The following CNGB3 variants were observed in gnomAD, a reference collection of about 807,000 sequenced individuals.
CNGB3 encodes the protein cyclic nucleotide-gated channel beta-3.
CNGB3 carries 86 observed loss-of-function variants against 92.8 expected under a neutral mutation model. That is an observed-to-expected ratio of 0.93 (90% CI 0.78 to 1.11). CNGB3 has a LOEUF of 1.11. CNGB3 is among the 50% of genes least tolerant of loss of function. CNGB3 has a pLI of 0.00. For missense variants in CNGB3, 1,026 were observed against 956.8 expected (o/e 1.07, Z -0.95); for synonymous variants, 333 against 332.7 (o/e 1.00, Z -0.01).
intron 6 of CNGB3, chr8:86,657,970 C>G: frequency 1.8e-6 from 1 of 553,848 alleles, no homozygotes; most frequent in Non-Finnish European, 3.6e-6. Flanking sequence ...GTCTGTCTCT[C>G]CAGACAGCTG....
At chr8:86,704,293 G>C (rs1824612811) in intron 3 of CNGB3, 1 of 152,290 alleles carries the variant, frequency 6.6e-6, no homozygotes, top group East Asian at 1.9e-4. Context: ...GTAGGCTGAG[G>C]AGGAGCAAGA....
At chr8:86,597,232 C>T (rs1822191434) in intron 15 of CNGB3, among the ~76,000 whole-genome samples, 1 of 152,110 alleles carries the variant, frequency 6.6e-6, no homozygotes, top group Non-Finnish European at 1.5e-5. Context: ...AGAATGCCTC[C>T]TTTCACAGAG....
chr8:86,739,508 G>C, intron 2 of CNGB3, 147 bp downstream of exon 2: 1 of 1,298,726 alleles, frequency 7.7e-7, no homozygotes. Context: ...TAAAGTTTTT[G>C]AAATATTCAG....
intron 13 of CNGB3, 41 bp from the exon 14 acceptor site, chr8:86,611,712 G>A (rs761000282): frequency 3.7e-6 from 5 of 1,342,594 alleles, no homozygotes; most frequent in African/African-American, 1.4e-5. Flanking sequence ...AACAACTAAA[G>A]GCCAATATTC....
intron 3 of CNGB3, among the ~76,000 whole-genome samples, chr8:86,674,847 G>T (rs1823935103): frequency 6.6e-6 from 1 of 151,882 alleles, no homozygotes; most frequent in Non-Finnish European, 1.5e-5. Flanking sequence ...TGACTTCCCT[G>T]GGCTCAAGCC....
At chr8:86,591,193 G>T (rs919336639) in intron 15 of CNGB3, among the ~76,000 whole-genome samples, 1 of 145,270 alleles carries the variant, frequency 6.9e-6, no homozygotes, top group Non-Finnish European at 1.5e-5. Flanking sequence ...AGCTCCATCA[G>T]CTCCTTTAAG....
At chr8:86,726,725 A>G in intron 2 of CNGB3, 68 bp from the exon 3 acceptor site, 1 of 1,567,006 alleles carries the variant, frequency 6.4e-7, no homozygotes, top group Admixed American at 1.7e-5. Flanking sequence ...ATTTGGCAAC[A>G]TGAGCTACAA....
intron 3 of CNGB3, among the ~76,000 whole-genome samples, chr8:86,709,166 G>T (rs1218253787): frequency 1.3e-5 from 2 of 152,152 alleles, no homozygotes. Context: ...GAGGGGATTA[G>T]CACACTAACA....
chr8:86,651,874 T>C (rs1823410230), intron 7 of CNGB3, among the ~76,000 whole-genome samples: 1 of 151,966 alleles, frequency 6.6e-6, no homozygotes, highest in African/African-American at 2.4e-5. Flanking sequence ...GGTACAAAAA[T>C]ACAGTCATTT....
intron 13 of CNGB3, among the ~76,000 whole-genome samples, chr8:86,617,236 G>A (rs1005581483): frequency 5.9e-5 from 9 of 152,122 alleles, no homozygotes; most frequent in African/African-American, 2.2e-4. Context: ...ATGTTTCCTT[G>A]GAATGCGTAC....
At chr8:86,605,373 G>A (rs1421219175) in intron 14 of CNGB3, among the ~76,000 whole-genome samples, 1 of 151,990 alleles carries the variant, frequency 6.6e-6, no homozygotes. Context: ...CTCTAAATAG[G>A]CCAGATTGCA....
intron 15 of CNGB3, among the ~76,000 whole-genome samples, chr8:86,591,937 G>T (rs1822050096): frequency 6.6e-6 from 1 of 152,206 alleles, no homozygotes; most frequent in Non-Finnish European, 1.5e-5. Context: ...CCCTCCCCCA[G>T]CCTCGCTGCC....
intron 3 of CNGB3, among the ~76,000 whole-genome samples, chr8:86,695,396 C>G (rs553035265): frequency 3.6e-4 from 55 of 152,148 alleles, no homozygotes; most frequent in African/African-American, 1.3e-3. Context: ...CAGGTTAATT[C>G]GAAGGCCTTG....
chr8:86,580,033 C>T (rs1282928852), intron 15 of CNGB3, among the ~76,000 whole-genome samples: 2 of 152,136 alleles, frequency 1.3e-5, no homozygotes. Flanking sequence ...AATTCTGCAT[C>T]ACTGGCGAGG....
chr8:86,698,470 A>G (rs182671704), intron 3 of CNGB3, among the ~76,000 whole-genome samples: 1 of 152,340 alleles, frequency 6.6e-6, no homozygotes, highest in Non-Finnish European at 1.5e-5. Flanking sequence ...AGAGAAAACA[A>G]TCGCCTATGG....
At chr8:86,599,997 C>T (rs903323319) in intron 15 of CNGB3, among the ~76,000 whole-genome samples, 6 of 152,172 alleles carry the variant, frequency 3.9e-5, no homozygotes, top group Non-Finnish European at 1.5e-5. Context: ...ATCACGGAAC[C>T]TGGTGACATG....
chr8:86,724,020 G>C (rs1418392125), intron 3 of CNGB3, among the ~76,000 whole-genome samples: 1 of 152,112 alleles, frequency 6.6e-6, no homozygotes, highest in African/African-American at 2.4e-5. Context: ...AGACATCAGA[G>C]CCTACTTGAG....
At chr8:86,653,776 C>T (rs890746990) in intron 7 of CNGB3, among the ~76,000 whole-genome samples, 7 of 152,042 alleles carry the variant, frequency 4.6e-5, no homozygotes, top group South Asian at 2.1e-4. Flanking sequence ...AATTAGAATT[C>T]AAATCTGGGC....
At chr8:86,661,848 T>C in intron 6 of CNGB3, 2 of 1,334,168 alleles carry the variant, frequency 1.5e-6, no homozygotes, top group Non-Finnish European at 2.2e-6. Flanking sequence ...TTCTGGACGT[T>C]CCAGAACTGA....
Sources: gnomAD v4.1 joint callset for allele counts (sites outside exome capture counted in the v4.1 genomes callset) on GRCh38, gnomAD v4.1.1 for gene constraint, MANE v1.5 for transcripts, NCBI Gene and HGNC (gene_info 2026-07-23, HGNC 2026-07-21) for gene names.